The following LARGE1 variants were observed in gnomAD, a reference collection of about 807,000 sequenced individuals.
LARGE1 encodes xylosyl- and glucuronyltransferase LARGE1.
A neutral mutation model predicts 87.6 loss-of-function variants in LARGE1; 43 were observed. The observed-to-expected ratio is 0.49, with a 90% CI of 0.38 to 0.63. The LOEUF is 0.63. LARGE1 is among the 30% of genes least tolerant of loss of function. LARGE1 has a pLI of 0.00. For missense variants in LARGE1, 802 were observed against 1,000.2 expected, an observed-to-expected ratio of 0.80 and a Z score of 2.67; for synonymous variants, 434 against 394.6, an observed-to-expected ratio of 1.10 and a Z score of -1.18.
chr22:33,899,112 G>T (rs1161097666), intron 1 of LARGE1, among the ~76,000 whole-genome samples: 3 of 151,992 alleles, frequency 2.0e-5, no homozygotes, highest in Admixed American at 1.3e-4. Flanking sequence ...TCTCAATCTC[G>T]CCATGAAAAG....
chr22:33,559,338 C>T lies in LARGE1; in HGVS notation c.787+5510G>A, dbSNP rs564849962. Among the ~76,000 whole-genome samples the T allele has an allele frequency of 6.6e-5, 10 of 152,298 alleles. No homozygotes were observed. The East Asian group carries it at 1.5e-3, about 24-fold the overall frequency. On this transcript the variant is annotated intron_variant, in intron 6 of 14. Transcript: ENST00000397394. Reference sequence around the variant, plus strand: ...CTGGGATTACAGGCACACACCACCACGCCCAGCTAGTTTTTGTATTTTTAG... The same window carrying T: ...CTGGGATTACAGGCACACACCACCATGCCCAGCTAGTTTTTGTATTTTTAG...
At chr22:33,106,927 T>C in the LARGE1 span, among the ~76,000 whole-genome samples, 1 of 152,246 alleles carries the variant, frequency 6.6e-6, no homozygotes, top group Non-Finnish European at 1.5e-5. Flanking sequence ...ATTTACCTTC[T>C]TCAGATGATC....
rs371582045 is a variant in LARGE1 at position 33,231,368 on chromosome 22, T to C, written c.1731-64536A>G. 1.1e-4 allele frequency among the ~76,000 whole-genome samples: 17 copies of C among 152,318 alleles called. No homozygotes were observed. The East Asian group carries it at 1.2e-3, about 10-fold the overall frequency. ...TAGCTCTGTAACCAGGGGTAAGATA[T>C]TTGATTCCTTTGTACTTCAATACCT... On this transcript the variant is annotated intron_variant, in intron 11 of 11. Transcript: ENST00000608642.
chr22:33,859,250 A>T (rs1376039818), intron 1 of LARGE1, among the ~76,000 whole-genome samples: 1 of 152,226 alleles, frequency 6.6e-6, no homozygotes, highest in Non-Finnish European at 1.5e-5. Flanking sequence ...AACCTGTATC[A>T]TGATAATAAT....
intron 2 of LARGE1, among the ~76,000 whole-genome samples, chr22:33,664,862 A>C (rs1316450822): frequency 6.6e-6 from 1 of 152,182 alleles, no homozygotes; most frequent in Non-Finnish European, 1.5e-5. Context: ...CATCTTAAAA[A>C]AACAACAACA....
intron 2 of LARGE1, among the ~76,000 whole-genome samples, chr22:33,698,234 G>C (rs1047227806): frequency 6.6e-6 from 1 of 151,572 alleles, no homozygotes. Flanking sequence ...CACCACGCTC[G>C]GCTAATTTTT....
chr22:33,645,942 C>T (rs540077200), intron 3 of LARGE1, among the ~76,000 whole-genome samples: 1 of 152,248 alleles, frequency 6.6e-6, no homozygotes, highest in East Asian at 1.9e-4. Context: ...CAGGAAATAA[C>T]AGATGCTGGA....
intron 4 of LARGE1, among the ~76,000 whole-genome samples, chr22:33,609,729 T>A (rs1484782348): frequency 6.6e-6 from 1 of 152,108 alleles, no homozygotes; most frequent in Non-Finnish European, 1.5e-5. Context: ...TGAAACGTAA[T>A]CCCCAATTTT....
At chr22:33,722,819 A>G (rs2083148316) in intron 2 of LARGE1, among the ~76,000 whole-genome samples, 1 of 152,194 alleles carries the variant, frequency 6.6e-6, no homozygotes, top group Non-Finnish European at 1.5e-5. Context: ...CAGAGACAGA[A>G]AAGGAACACG....
At chr22:33,787,712 C>T (rs1453854705) in intron 1 of LARGE1, among the ~76,000 whole-genome samples, 1 of 152,178 alleles carries the variant, frequency 6.6e-6, no homozygotes, top group Non-Finnish European at 1.5e-5. Context: ...CCTCCCTTGA[C>T]AATTCTTCTA....
chr22:33,264,889 CTTTT>C lies in LARGE1; in HGVS notation c.1730+39336_1730+39339del, dbSNP rs200074908. Among the ~76,000 whole-genome samples, 8 of 74,370 alleles carry C rather than the reference CTTTT, an allele frequency of 1.1e-4. No homozygotes were observed. The East Asian group carries it at 1.5e-3, about 14-fold the overall frequency. 48.8% of individuals were successfully genotyped at this position (74,370 alleles called of 152,430 possible). A position where few individuals can be genotyped will look rare whatever the true frequency, so the allele number is the denominator to read the frequency against. ...CTCCCCTTTGACATCTGATCAAATT[CTTTT>C]TTTTTTTTTTTTTTTTTTTTGAGAT... On this transcript the variant is annotated intron_variant, in intron 11 of 11. Transcript: ENST00000608642.
At chr22:33,326,262 C>T (rs1213780291) in intron 10 of LARGE1, among the ~76,000 whole-genome samples, 1 of 152,312 alleles carries the variant, frequency 6.6e-6, no homozygotes, top group East Asian at 1.9e-4. Context: ...TCCCAGTTAT[C>T]AGTATTAATT....
At chr22:33,206,304 C>A (rs1272987945) in intron 11 of LARGE1, among the ~76,000 whole-genome samples, 1 of 151,966 alleles carries the variant, frequency 6.6e-6, no homozygotes, top group Non-Finnish European at 1.5e-5. Context: ...GTTGGCCAGG[C>A]TGGTCTCGAA....
the LARGE1 span, among the ~76,000 whole-genome samples, chr22:33,125,555 T>G: frequency 6.6e-6 from 1 of 151,964 alleles, no homozygotes; most frequent in Non-Finnish European, 1.5e-5. Context: ...CAAGCAATTC[T>G]CGTACTTCAG....
At chr22:33,436,237 G>C (rs1229508473) in intron 6 of LARGE1, among the ~76,000 whole-genome samples, 1 of 152,182 alleles carries the variant, frequency 6.6e-6, no homozygotes, top group African/African-American at 2.4e-5. Flanking sequence ...ATGCTGGAAT[G>C]ACTTCATACA....
At chr22:33,660,713 A>G (rs760600578) in intron 2 of LARGE1, among the ~76,000 whole-genome samples, 1 of 152,276 alleles carries the variant, frequency 6.6e-6, no homozygotes, top group Non-Finnish European at 1.5e-5. Flanking sequence ...CTAAACAACC[A>G]TAACGATTTT....
At chr22:33,603,309 C>T (rs2079160841) in intron 5 of LARGE1, among the ~76,000 whole-genome samples, 1 of 152,204 alleles carries the variant, frequency 6.6e-6, no homozygotes, top group African/African-American at 2.4e-5. Context: ...TTGAGTCCTT[C>T]CCAAGGTGAT....
chr22:33,569,422 G>A (rs2078127847), intron 5 of LARGE1, among the ~76,000 whole-genome samples: 1 of 152,184 alleles, frequency 6.6e-6, no homozygotes, highest in Non-Finnish European at 1.5e-5. Context: ...AGTCCTGAAT[G>A]TCACTCCAAG....
At chr22:33,837,482 G>C (rs2063144888) in intron 1 of LARGE1, among the ~76,000 whole-genome samples, 1 of 152,310 alleles carries the variant, frequency 6.6e-6, no homozygotes, top group African/African-American at 2.4e-5. Context: ...GCTAATTCAA[G>C]TGGAGAGAGA....
Sources: allele counts gnomAD v4.1 joint callset (sites outside exome capture counted in the v4.1 genomes callset), GRCh38; gene constraint gnomAD v4.1.1; transcripts MANE v1.5; gene names NCBI Gene and HGNC (gene_info 2026-07-23, HGNC 2026-07-21).